The following KATNIP variants were observed in gnomAD, a reference collection of about 807,000 sequenced individuals.
KATNIP encodes katanin interacting protein, also known as katanin-interacting protein.
In KATNIP, 126 loss-of-function variants were observed where a neutral mutation model predicts 174.0. The ratio of observed to expected loss-of-function variants is 0.72; its 90% CI spans 0.63 to 0.84. The LOEUF (loss-of-function observed/expected upper bound fraction) is 0.84. Among genes scored for constraint, KATNIP ranks in the 40% least tolerant of loss-of-function variants. The pLI, the probability that KATNIP is intolerant of heterozygous loss-of-function variation, is 0.00. For missense variants in KATNIP, 1,958 were observed against 2,109.7 expected (o/e 0.93, Z 1.41); for synonymous variants, 810 against 835.7 (o/e 0.97, Z 0.53).
At chr16:27,585,077 G>A (rs1159390833) in intron 2 of KATNIP, among the ~76,000 whole-genome samples, 1 of 152,092 alleles carries the variant, frequency 6.6e-6, no homozygotes, top group Non-Finnish European at 1.5e-5. Context: ...CACAGGGCTG[G>A]GCAGAGGCAA....
At chr16:27,773,290 G>A (rs2082376985) in intron 23 of KATNIP, 81 bp downstream of exon 23, 1 of 949,346 alleles carries the variant, frequency 1.1e-6, no homozygotes. Context: ...GAAGCCTTGT[G>A]TGCAGAGGGA....
At chr16:27,711,556 A>T (rs534644046) in intron 13 of KATNIP, among the ~76,000 whole-genome samples, 1 of 152,308 alleles carries the variant, frequency 6.6e-6, no homozygotes, top group African/African-American at 2.4e-5. Context: ...TCTCTGCTGG[A>T]AATAGTCTCA....
chr16:27,738,552 C>A (rs371489568), intron 14 of KATNIP, among the ~76,000 whole-genome samples: 2 of 152,098 alleles, frequency 1.3e-5, no homozygotes, highest in Non-Finnish European at 2.9e-5. Flanking sequence ...GTTGAACCTG[C>A]GTGACATAGG....
chr16:27,581,942 G>C (rs772451012), intron 2 of KATNIP, among the ~76,000 whole-genome samples: 5 of 152,130 alleles, frequency 3.3e-5, no homozygotes, highest in Non-Finnish European at 5.9e-5. Flanking sequence ...TTATGGCTGA[G>C]TAGTATTCCA....
intron 22 of KATNIP, 26 bp from the exon 23 acceptor site, chr16:27,773,073 T>G: frequency 2.1e-6 from 3 of 1,405,586 alleles, no homozygotes; most frequent in Non-Finnish European, 3.0e-6. Flanking sequence ...AAATTAAGCC[T>G]TCTTTTCCTT....
At chr16:27,700,543 G>T (rs1466298373) in intron 10 of KATNIP, among the ~76,000 whole-genome samples, 1 of 152,174 alleles carries the variant, frequency 6.6e-6, no homozygotes, top group Non-Finnish European at 1.5e-5. Flanking sequence ...AGAATGACAG[G>T]GTGTGGGGTG....
chr16:27,731,425 C>T (rs2080677846), intron 14 of KATNIP, among the ~76,000 whole-genome samples: 1 of 152,166 alleles, frequency 6.6e-6, no homozygotes, highest in South Asian at 2.1e-4. Flanking sequence ...GCATATGTGG[C>T]AAGCGGTATT....
chr16:27,655,168 C>G (rs1255972197), intron 6 of KATNIP, among the ~76,000 whole-genome samples: 2 of 116,940 alleles, frequency 1.7e-5, no homozygotes, highest in Non-Finnish European at 3.4e-5. Flanking sequence ...GCTGCTACCC[C>G]CTAGAATGGA....
Position 27,550,176 on chromosome 16 carries a change from C to A in KATNIP, c.6C>A (p.Asp2Glu). 4 of 1,611,460 alleles carry A rather than the reference C, an allele frequency of 2.5e-6. No individual in the cohort carries two copies. Among genetic ancestry groups the A allele is most frequent in the Non-Finnish European group, 3.4e-6 (4 of 1,178,106 alleles). ...CGGAACCGCCGCCTCTAGGGATGGA[C>A]GGTGAGTGTCTGTGGGCCCCTCCGG... MDGQTLRKAERS... is the reference protein window; with the variant it reads MEGQTLRKAERS... The change falls in exon 1 of 28, where the codon GAC becomes GAA. Residue 2 changes from aspartate to glutamate, a missense_variant and splice_region_variant. By Grantham distance (45) the Asp-to-Glu change is conservative. Transcript: ENST00000261588.
intron 5 of KATNIP, among the ~76,000 whole-genome samples, chr16:27,645,903 C>T (rs561599479): frequency 1.3e-5 from 2 of 152,202 alleles, no homozygotes; most frequent in African/African-American, 4.8e-5. Flanking sequence ...CTGCAAGGGC[C>T]CCCAGCAATG....
At chr16:27,650,277 G>GC (rs2077080682) in intron 6 of KATNIP, among the ~76,000 whole-genome samples, 1 of 152,200 alleles carries the variant, frequency 6.6e-6, no homozygotes, top group Admixed American at 6.5e-5. Flanking sequence ...CAAGGAGCAG[G>GC]ATGCAGGCAC....
chr16:27,573,755 C>T (rs1204677217), intron 1 of KATNIP, 146 bp from the exon 2 acceptor site: 2 of 702,380 alleles, frequency 2.8e-6, no homozygotes, highest in African/African-American at 1.8e-5. Context: ...GCCATTTTCC[C>T]ATTATAATAA....
chr16:27,775,320 G>A (rs1293866295), intron 24 of KATNIP, among the ~76,000 whole-genome samples: 2 of 152,222 alleles, frequency 1.3e-5, no homozygotes, highest in African/African-American at 4.8e-5. Flanking sequence ...GGGGTCCCAT[G>A]GGAATCTGAA....
chr16:27,550,250 A>C, intron 1 of KATNIP, 73 bp downstream of exon 1: 1 of 1,547,808 alleles, frequency 6.5e-7, no homozygotes, highest in Non-Finnish European at 8.8e-7. Context: ...CTTTGGGCAG[A>C]ATCCTAGGCC....
intron 2 of KATNIP, among the ~76,000 whole-genome samples, chr16:27,612,354 C>G (rs937336498): frequency 6.6e-6 from 1 of 152,132 alleles, no homozygotes; most frequent in African/African-American, 2.4e-5. Context: ...GTTCAGAGAC[C>G]ATATGACTGT....
At chr16:27,649,279 G>T (rs534263168) in intron 6 of KATNIP, among the ~76,000 whole-genome samples, 1 of 152,182 alleles carries the variant, frequency 6.6e-6, no homozygotes, top group Non-Finnish European at 1.5e-5. Flanking sequence ...AGTCCATGTC[G>T]GTTTAGCAGC....
At chr16:27,559,704 G>T (rs1392069442) in intron 1 of KATNIP, among the ~76,000 whole-genome samples, 2 of 151,002 alleles carry the variant, frequency 1.3e-5, no homozygotes, top group African/African-American at 2.4e-5. Context: ...AAATAGTAAG[G>T]TCATGGTGGC....
At chr16:27,655,634 C>T (rs887749540) in intron 6 of KATNIP, among the ~76,000 whole-genome samples, 4 of 152,070 alleles carry the variant, frequency 2.6e-5, no homozygotes, top group South Asian at 2.1e-4. Flanking sequence ...GAGCACTTAC[C>T]GAGTGCCAAG....
At chr16:27,742,897 G>A (rs1056617817) in intron 15 of KATNIP, among the ~76,000 whole-genome samples, 11 of 151,972 alleles carry the variant, frequency 7.2e-5, no homozygotes, top group African/African-American at 2.4e-4. Flanking sequence ...AGGATGTGCA[G>A]GTTTGTTACA....
Sources: allele counts gnomAD v4.1 joint callset (sites outside exome capture counted in the v4.1 genomes callset), GRCh38; gene constraint gnomAD v4.1.1; transcripts MANE v1.5; gene names NCBI Gene and HGNC (gene_info 2026-07-23, HGNC 2026-07-21).